Variants in CADPS2 observed in about 807,000 individuals in gnomAD.
CADPS2 encodes calcium dependent secretion activator 2, also known as calcium-dependent secretion activator 2.
In CADPS2, 93 loss-of-function variants were observed where a neutral mutation model predicts 172.5. That is an observed-to-expected ratio of 0.54 (90% CI 0.46 to 0.64). The LOEUF (loss-of-function observed/expected upper bound fraction) is 0.64, where lower values mean the gene tolerates loss of function less well. Among genes scored for constraint, CADPS2 ranks in the 30% least tolerant of loss-of-function variants. CADPS2 has a pLI of 0.00. For synonymous variants in CADPS2, 546 were observed against 555.2 expected (o/e 0.98, Z 0.23); for missense variants, 1,420 against 1,565.9 (o/e 0.91, Z 1.57).
intron 29 of CADPS2, among the ~76,000 whole-genome samples, chr7:122,321,063 T>C (rs1003880326): frequency 3.3e-5 from 5 of 152,246 alleles, no homozygotes; most frequent in African/African-American, 1.2e-4. Flanking sequence ...TGTTATTGTT[T>C]GTACAATGAT....
chr7:122,616,297 C>T (rs1310035467), intron 5 of CADPS2, among the ~76,000 whole-genome samples: 1 of 151,992 alleles, frequency 6.6e-6, no homozygotes, highest in Non-Finnish European at 1.5e-5. Context: ...AAACATCTAT[C>T]ATAAACATAA....
At chr7:122,570,462 GAA>G (rs1201625857) in intron 7 of CADPS2, among the ~76,000 whole-genome samples, 1 of 147,182 alleles carries the variant, frequency 6.8e-6, no homozygotes, top group Non-Finnish European at 1.5e-5. Flanking sequence ...AACCATTGTG[GAA>G]GTCAGTGTGG....
At position 122,704,540 on chromosome 7, in the gene CADPS2, T is replaced by A. The variant is rs560914977; in HGVS notation, c.453+32415A>T. On this transcript the variant is annotated intron_variant, in intron 2 of 29. Coordinates refer to ENST00000449022, the MANE Select transcript of CADPS2 (RefSeq NM_017954.11). The stretch of plus-strand genomic sequence containing the variant: ...ACTCTGACTTTTTATTTTGCAGATT[T>A]TTTGTGGGTGAAGTGTTTAACCTGT... 3.9e-5 allele frequency among the ~76,000 whole-genome samples: 6 copies of A among 152,140 alleles called. No homozygotes were observed. The South Asian group carries it at 6.2e-4, about 16-fold the overall frequency.
At chr7:122,860,725 A>C (rs1427563416) in intron 1 of CADPS2, among the ~76,000 whole-genome samples, 2 of 152,132 alleles carry the variant, frequency 1.3e-5, no homozygotes, top group Non-Finnish European at 2.9e-5. Flanking sequence ...CAACCTCTCT[A>C]AACCCCTGTA....
At chr7:122,870,590 T>A (rs1819509076) in intron 1 of CADPS2, among the ~76,000 whole-genome samples, 1 of 152,038 alleles carries the variant, frequency 6.6e-6, no homozygotes, top group Non-Finnish European at 1.5e-5. Flanking sequence ...AATAATTATG[T>A]ATTGTATATT....
At chr7:122,790,026 GTGTTT>G (rs996450710) in intron 1 of CADPS2, among the ~76,000 whole-genome samples, 14 of 141,094 alleles carry the variant, frequency 9.9e-5, no homozygotes, top group Middle Eastern at 3.8e-3. Flanking sequence ...CAAATATTAA[GTGTTT>G]TTTTTTTTTT....
At chr7:122,854,185 C>A (rs1237844971) in intron 1 of CADPS2, among the ~76,000 whole-genome samples, 2 of 152,018 alleles carry the variant, frequency 1.3e-5, no homozygotes, top group African/African-American at 4.8e-5. Flanking sequence ...CGTGGCGAAA[C>A]CTGGTCTCCA....
intron 8 of CADPS2, among the ~76,000 whole-genome samples, chr7:122,530,784 G>C (rs763725099): frequency 2.6e-5 from 4 of 152,094 alleles, no homozygotes; most frequent in Non-Finnish European, 4.4e-5. Flanking sequence ...ATGGCTTCCA[G>C]CTACCATATA....
intron 1 of CADPS2, among the ~76,000 whole-genome samples, chr7:122,783,161 A>C (rs1425464599): frequency 6.7e-6 from 1 of 150,318 alleles, no homozygotes; most frequent in East Asian, 2.0e-4. Flanking sequence ...GCTTGCAGTG[A>C]GCCGAGAGGC....
At chr7:122,403,623 TTAGA>T (rs1228119334) in intron 20 of CADPS2, among the ~76,000 whole-genome samples, 1 of 152,188 alleles carries the variant, frequency 6.6e-6, no homozygotes, top group African/African-American at 2.4e-5. Context: ...CATTTTATAG[TTAGA>T]ATTATGAAAA....
chr7:122,708,229 C>T (rs1257148317), intron 2 of CADPS2, among the ~76,000 whole-genome samples: 6 of 151,628 alleles, frequency 4.0e-5, no homozygotes, highest in Non-Finnish European at 8.8e-5. Flanking sequence ...GCTTCTAGGA[C>T]AATATCTACC....
At chr7:122,409,194 G>A (rs1047774202) in intron 19 of CADPS2, among the ~76,000 whole-genome samples, 1 of 152,140 alleles carries the variant, frequency 6.6e-6, no homozygotes, top group Non-Finnish European at 1.5e-5. Flanking sequence ...CAGATCTTGC[G>A]CCTATCTTTT....
chr7:122,785,507 T>G (rs190351706), intron 1 of CADPS2, among the ~76,000 whole-genome samples: 7 of 152,288 alleles, frequency 4.6e-5, no homozygotes, highest in South Asian at 4.1e-4. Context: ...AGGTGAATTT[T>G]GAACTAGAGC....
At chr7:122,394,091 C>A (rs1221216687) in intron 20 of CADPS2, among the ~76,000 whole-genome samples, 1 of 152,156 alleles carries the variant, frequency 6.6e-6, no homozygotes. Flanking sequence ...TATTTTGATT[C>A]ATGAACATTA....
intron 2 of CADPS2, among the ~76,000 whole-genome samples, chr7:122,711,936 C>G (rs1344459148): frequency 6.6e-6 from 1 of 152,064 alleles, no homozygotes; most frequent in African/African-American, 2.4e-5. Context: ...CAGGTGTGAG[C>G]CACCACGTCC....
In CADPS2 at chr7:122,438,480, G is replaced by A; in HGVS notation, c.2353-16C>T. The A allele has an allele frequency of 6.2e-7, 1 of 1,611,984 alleles. No homozygotes were observed. The highest frequency in any genetic ancestry group is 8.5e-7 in the Non-Finnish European group (1 of 1,178,752). Reference sequence around the variant, plus strand: ...TCATTAAAACCTACAGAGAGAGGAAGTGGAAGGGTGAGGGGCAGGGTTGGG... The same window carrying A: ...TCATTAAAACCTACAGAGAGAGGAAATGGAAGGGTGAGGGGCAGGGTTGGG... On this transcript the variant is annotated splice_polypyrimidine_tract_variant and intron_variant, in intron 16 of 29. Transcript: ENST00000449022.
chr7:122,470,302 A>G (rs1040366481), intron 14 of CADPS2, among the ~76,000 whole-genome samples: 3 of 152,214 alleles, frequency 2.0e-5, no homozygotes, highest in Admixed American at 6.5e-5. Context: ...GTTAAGGGGC[A>G]CTATGGGAAG....
chr7:122,858,135 C>T (rs1403675065), intron 1 of CADPS2, among the ~76,000 whole-genome samples: 3 of 151,956 alleles, frequency 2.0e-5, no homozygotes, highest in South Asian at 2.1e-4. Context: ...TACAGAGTGC[C>T]GATTGGTCCA....
chr7:122,717,737 T>C (rs560851304), intron 2 of CADPS2, among the ~76,000 whole-genome samples: 1 of 152,256 alleles, frequency 6.6e-6, no homozygotes, highest in South Asian at 2.1e-4. Context: ...TTTCCCTGTG[T>C]AGTAAAATTC....
Sources: gnomAD v4.1 joint callset for allele counts (sites outside exome capture counted in the v4.1 genomes callset) on GRCh38, gnomAD v4.1.1 for gene constraint, MANE v1.5 for transcripts, NCBI Gene and HGNC (gene_info 2026-07-23, HGNC 2026-07-21) for gene names.